Variants in NLRP1 observed in about 807,000 individuals in gnomAD.
NLRP1 encodes NLR family pyrin domain containing 1, also known as NACHT, LRR and PYD domains-containing protein 1.
A neutral mutation model predicts 136.7 loss-of-function variants in NLRP1; 94 were observed. That is an observed-to-expected ratio of 0.69 (90% CI 0.58 to 0.82). The LOEUF is 0.82. NLRP1 is among the 40% of genes least tolerant of loss of function. NLRP1 has a pLI of 0.00. For synonymous variants in NLRP1, 690 were observed against 725.1 expected (o/e 0.95, Z 0.78); for missense variants, 1,575 against 1,802.7 (o/e 0.87, Z 2.29).
At chr17:5,543,053 C>A (rs1295029330) in intron 5 of NLRP1, among the ~76,000 whole-genome samples, 3 of 152,194 alleles carry the variant, frequency 2.0e-5, no homozygotes. Context: ...TGGTCTTCAA[C>A]CCCTGACCTC....
At chr17:5,563,157 T>C (rs1914953906) in intron 3 of NLRP1, among the ~76,000 whole-genome samples, 1 of 152,126 alleles carries the variant, frequency 6.6e-6, no homozygotes, top group Admixed American at 6.5e-5. Flanking sequence ...TAAAGGAACA[T>C]CAGCCCACAC....
intron 11 of NLRP1, among the ~76,000 whole-genome samples, chr17:5,531,783 G>A (rs1328517035): frequency 6.6e-6 from 1 of 152,170 alleles, no homozygotes; most frequent in African/African-American, 2.4e-5. Context: ...GCCCTGGGAG[G>A]GCAGGGCTGC....
chr17:5,584,243 AG>A lies in NLRP1; in HGVS notation c.-287del. The A allele has an allele frequency of 1.9e-6, 1 of 514,030 alleles. No homozygotes were observed. The highest frequency in any genetic ancestry group is 2.2e-5 in the South Asian group (1 of 45,876). 31.8% of individuals were successfully genotyped at this position (514,030 alleles called of 1,614,324 possible). The stretch of plus-strand genomic sequence containing the variant: ...GGTCCAGGGCCAGGCAGGGAGGGTG[AG>A]GGTGAGGGGAGATGTGGTGACGGGA... On this transcript the variant is annotated 5_prime_UTR_variant, in exon 1 of 17. Transcript: ENST00000572272.
intron 5 of NLRP1, among the ~76,000 whole-genome samples, chr17:5,543,472 C>G (rs1188590374): frequency 2.0e-5 from 3 of 152,138 alleles, no homozygotes; most frequent in African/African-American, 7.2e-5. Context: ...AGTAGTAGGT[C>G]TTGGATGTCA....
chr17:5,542,119 A>T (rs1911943253), intron 5 of NLRP1, 92 bp from the exon 6 acceptor site: 1 of 1,297,430 alleles, frequency 7.7e-7, no homozygotes, highest in Non-Finnish European at 1.1e-6. Context: ...ACTATGCACC[A>T]GGCCTGTGGG....
chr17:5,507,556 G>A (rs1907405821), intron 15 of NLRP1, among the ~76,000 whole-genome samples: 1 of 152,210 alleles, frequency 6.6e-6, no homozygotes, highest in Admixed American at 6.5e-5. Context: ...TTGGCTGGGT[G>A]TTGTGGCTCA....
intron 3 of NLRP1, among the ~76,000 whole-genome samples, chr17:5,569,511 T>C (rs917595926): frequency 6.6e-6 from 1 of 151,744 alleles, no homozygotes; most frequent in Non-Finnish European, 1.5e-5. Flanking sequence ...TCAACATCAA[T>C]CAAAAAAGAC....
At chr17:5,512,638 C>T (rs900938383), downstream of NLRP1, 2 of 415,252 alleles carry the variant, frequency 4.8e-6, no homozygotes, top group African/African-American at 2.0e-5. Flanking sequence ...GGGTGTGTGA[C>T]CTGTGCGGTC....
At chr17:5,520,293 T>TTGCTATA (rs1908732484) in intron 14 of NLRP1, among the ~76,000 whole-genome samples, 3 of 152,186 alleles carry the variant, frequency 2.0e-5, no homozygotes, top group Admixed American at 2.0e-4. Flanking sequence ...GACTCATCTT[T>TTGCTATA]TGCTATACTG....
Position 5,584,013 on chromosome 17 carries a change from C to T in NLRP1, c.-56G>A. ...GGATGTTCCCAGGTGGTGAGGGTAT[C>T]AGGCAGGCAGAGAACAGTGCTGTCC... On this transcript the variant is annotated 5_prime_UTR_variant, in exon 1 of 17. Coordinates refer to ENST00000572272, the MANE Select transcript of NLRP1 (RefSeq NM_033004.4). 1.3e-6 allele frequency: 2 copies of T among 1,540,496 alleles called. No individual in the cohort carries two copies. Among genetic ancestry groups the T allele is most frequent in the Non-Finnish European group, 1.8e-6 (2 of 1,133,562 alleles).
At chr17:5,510,683 A>AT (rs945570887), downstream of NLRP1, among the ~76,000 whole-genome samples, 37 of 148,518 alleles carry the variant, frequency 2.5e-4, 1 homozygote, top group Admixed American at 2.1e-3. Context: ...ATGAAAAAAA[A>AT]TTTTTTTTTT....
chr17:5,533,678 C>A (rs1187793686), intron 9 of NLRP1, among the ~76,000 whole-genome samples: 1 of 149,284 alleles, frequency 6.7e-6, no homozygotes, highest in African/African-American at 2.5e-5. Context: ...CATAGACGTT[C>A]TGGAGAGGGG....
At chr17:5,531,646 G>T (rs974335079) in intron 11 of NLRP1, among the ~76,000 whole-genome samples, 2 of 152,200 alleles carry the variant, frequency 1.3e-5, no homozygotes, top group Non-Finnish European at 2.9e-5. Flanking sequence ...GCTTCTGTAG[G>T]TGTGAGCTGG....
intron 15 of NLRP1, chr17:5,503,445 C>G (rs1907184927): frequency 6.6e-6 from 1 of 152,176 alleles, no homozygotes; most frequent in South Asian, 2.1e-4. Context: ...GGGTCCTTTG[C>G]ATATTGAGAA....
intron 12 of NLRP1, among the ~76,000 whole-genome samples, chr17:5,529,012 ATTC>A (rs1909894766): frequency 6.6e-6 from 1 of 152,242 alleles, no homozygotes; most frequent in Non-Finnish European, 1.5e-5. Context: ...GACACATCAG[ATTC>A]TTCTAACTTG....
Position 5,539,531 on chromosome 17 carries a change from AAGCACAGAGGCCAGGTCCTGGC to A in NLRP1, c.2732_2753del (p.Cys911LeufsTer7). The A allele has an allele frequency of 6.2e-7, 1 of 1,614,040 alleles. No homozygotes were observed. Among genetic ancestry groups the A allele is most frequent in the Non-Finnish European group, 8.5e-7 (1 of 1,179,994 alleles). On this transcript the variant is annotated frameshift_variant, in exon 7 of 17. Transcript: ENST00000572272. LOFTEE classifies it high-confidence loss of function. ...GCTCCTTCAGGCTGGGGCTGGCACT[AAGCACAGAGGCCAGGTCCTGGC>A]AGCAGTCAGACGTGAGGCCACAGCT...
Position 5,558,903 on chromosome 17 carries a change from C to G in NLRP1, c.1793G>C (p.Gly598Ala). Residue 598 changes from glycine to alanine, a missense_variant, in exon 4 of 17, where the codon GGG becomes GCG. Transcript: ENST00000572272. Reference protein sequence around the residue: ...PDDLRKHGLDGAIISTFLKMG... With the variant: ...PDDLRKHGLDAAIISTFLKMG... ...CTTCAAGAAGGTGGAGATGATGGCC[C>G]CATCTAACCCATGCTTCCTGAGGTC... 1 of 1,614,084 alleles carries G rather than the reference C, an allele frequency of 6.2e-7. No homozygotes were observed. Among genetic ancestry groups the G allele is most frequent in the Non-Finnish European group, 8.5e-7 (1 of 1,180,002 alleles).
intron 3 of NLRP1, among the ~76,000 whole-genome samples, chr17:5,565,707 A>G (rs772398992): frequency 1.3e-5 from 2 of 152,182 alleles, no homozygotes; most frequent in Non-Finnish European, 2.9e-5. Flanking sequence ...TGAGTGTGGT[A>G]ATAGTCCTTC....
chr17:5,559,500 A>G lies in NLRP1; in HGVS notation c.1196T>C (p.Leu399Pro), dbSNP rs1914485625. The change falls in exon 4 of 17, where the codon CTG (leucine) becomes CCG (proline). Residue 399 changes from leucine to proline, a missense_variant. Coordinates refer to ENST00000572272, the MANE Select transcript of NLRP1 (RefSeq NM_033004.4). ...GAAGAGCAGCCGCTCTGGCCTAGAC[A>G]GGATCTGTCTAATGGGAGCCGGAGT... ...TATPAPIRQI[L>P]SRPERLLFIL... 6.2e-7 allele frequency: 1 copy of G among 1,614,218 alleles called. No homozygotes were observed. Among genetic ancestry groups the G allele is most frequent in the Non-Finnish European group, 8.5e-7 (1 of 1,180,032 alleles).
Sources: allele counts gnomAD v4.1 joint callset (sites outside exome capture counted in the v4.1 genomes callset), GRCh38; gene constraint gnomAD v4.1.1; transcripts MANE v1.5; gene names NCBI Gene and HGNC (gene_info 2026-07-23, HGNC 2026-07-21).